Variants in ACVR1C observed in about 807,000 individuals in gnomAD.
ACVR1C encodes activin A receptor type 1C.
Under a neutral mutation model 57.9 loss-of-function variants are expected in ACVR1C, and 23 were observed. The ratio of observed to expected loss-of-function variants is 0.40; its 90% CI spans 0.29 to 0.56. The LOEUF is 0.56. Ranked by LOEUF, ACVR1C falls within the 20% of genes least tolerant of loss-of-function variation. The pLI, the probability that ACVR1C is intolerant of heterozygous loss-of-function variation, is 0.50. For missense variants in ACVR1C, 480 were observed against 607.9 expected (o/e 0.79, Z 2.21); for synonymous variants, 214 against 215.3 (o/e 0.99, Z 0.05).
At chr2:157,598,065 A>T (rs1322373425) in intron 1 of ACVR1C, among the ~76,000 whole-genome samples, 1 of 152,198 alleles carries the variant, frequency 6.6e-6, no homozygotes, top group African/African-American at 2.4e-5. Flanking sequence ...TGTTATATTT[A>T]TGCTCACATA....
chr2:157,588,708 C>T (rs11687846), intron 1 of ACVR1C, among the ~76,000 whole-genome samples: 48,379 of 148,694 alleles, frequency 0.33, 8,349 homozygotes, highest in African/African-American at 0.41. Context: ...TTTCTGTTTT[C>T]GAGTTACTTC....
chr2:157,565,963 T>C (rs535151453), intron 2 of ACVR1C, among the ~76,000 whole-genome samples: 1 of 152,192 alleles, frequency 6.6e-6, no homozygotes, highest in Admixed American at 6.5e-5. Flanking sequence ...ATAAAAAGTA[T>C]AAAGAACTTT....
At chr2:157,538,326 A>G (rs2105203057) in intron 8 of ACVR1C, among the ~76,000 whole-genome samples, 1 of 152,310 alleles carries the variant, frequency 6.6e-6, no homozygotes, top group East Asian at 1.9e-4. Context: ...CCTGCAGAGC[A>G]GTTTGTGTAA....
At chr2:157,565,380 T>TA (rs1688344344) in intron 2 of ACVR1C, among the ~76,000 whole-genome samples, 1 of 152,146 alleles carries the variant, frequency 6.6e-6, no homozygotes, top group African/African-American at 2.4e-5. Context: ...TCCCTTCCCT[T>TA]ACAATGGTCA....
intron 2 of ACVR1C, among the ~76,000 whole-genome samples, chr2:157,574,703 T>A (rs1452508713): frequency 6.6e-6 from 1 of 152,184 alleles, no homozygotes; most frequent in Non-Finnish European, 1.5e-5. Flanking sequence ...TAGAATTGGG[T>A]TTAACTACAA....
chr2:157,582,984 C>T (rs1688825893), intron 2 of ACVR1C, among the ~76,000 whole-genome samples: 1 of 152,158 alleles, frequency 6.6e-6, no homozygotes, highest in South Asian at 2.1e-4. Context: ...TGGGTTCCAG[C>T]AATTCTCCCG....
At chr2:157,628,423 C>T in intron 1 of ACVR1C, 149 bp downstream of exon 1, 1 of 928,264 alleles carries the variant, frequency 1.1e-6, no homozygotes, top group Non-Finnish European at 1.7e-6. Flanking sequence ...CACCCTATCC[C>T]GCGCCCCCTC....
intron 1 of ACVR1C, among the ~76,000 whole-genome samples, chr2:157,592,046 T>C (rs1281073939): frequency 6.6e-6 from 1 of 152,118 alleles, no homozygotes; most frequent in Non-Finnish European, 1.5e-5. Flanking sequence ...TAATTAACAA[T>C]TGAAAACTAG....
rs574796296 is a variant in ACVR1C, at chr2:157,617,948, T to A, written c.73+10624A>T. 2.6e-5 allele frequency among the ~76,000 whole-genome samples: 4 copies of A among 151,900 alleles called. No individual in the cohort carries two copies. In the South Asian group the frequency reaches 8.3e-4, roughly 32 times the overall value. On this transcript the variant is annotated intron_variant, in intron 1 of 8. Coordinates refer to ENST00000243349, the MANE Select transcript of ACVR1C (RefSeq NM_145259.3). ...AAATCAAACTTTCCCTAAACAAAAA[T>A]TAATTAGAATGTGTTGCTATCAGAA...
At chr2:157,602,960 A>G (rs1009997040) in intron 1 of ACVR1C, among the ~76,000 whole-genome samples, 5 of 152,308 alleles carry the variant, frequency 3.3e-5, no homozygotes, top group Admixed American at 3.3e-4. Context: ...GTTCACAGGG[A>G]GTAGCTAAAC....
At chr2:157,572,516 C>T (rs944341814) in intron 2 of ACVR1C, among the ~76,000 whole-genome samples, 1 of 152,020 alleles carries the variant, frequency 6.6e-6, no homozygotes, top group African/African-American at 2.4e-5. Flanking sequence ...ACATATAGCT[C>T]AATGTCCTAT....
chr2:157,622,469 A>G (rs1164877093), intron 1 of ACVR1C, among the ~76,000 whole-genome samples: 1 of 152,196 alleles, frequency 6.6e-6, no homozygotes, highest in Non-Finnish European at 1.5e-5. Context: ...CCACACACCT[A>G]CAGTGAACTC....
intron 2 of ACVR1C, among the ~76,000 whole-genome samples, chr2:157,556,820 T>A (rs926812631): frequency 6.6e-6 from 1 of 151,986 alleles, no homozygotes; most frequent in Non-Finnish European, 1.5e-5. Context: ...CCCACCACCA[T>A]GCCCAGCTAA....
At chr2:157,534,078 C>A in intron 8 of ACVR1C, 35 bp from the exon 9 acceptor site, 1 of 1,481,790 alleles carries the variant, frequency 6.7e-7, no homozygotes, top group Non-Finnish European at 8.9e-7. Context: ...AAGACTTTAG[C>A]TACTCTACAT....
chr2:157,601,722 G>A (rs1005871055), intron 1 of ACVR1C, among the ~76,000 whole-genome samples: 5 of 152,164 alleles, frequency 3.3e-5, no homozygotes, highest in African/African-American at 7.2e-5. Context: ...TGGAAGATGC[G>A]TATCTGTAGT....
At chr2:157,563,248 C>T (rs1305395118) in intron 2 of ACVR1C, among the ~76,000 whole-genome samples, 1 of 152,150 alleles carries the variant, frequency 6.6e-6, no homozygotes, top group Non-Finnish European at 1.5e-5. Context: ...ACTCTTTAAG[C>T]TAATAAACAA....
intron 7 of ACVR1C, among the ~76,000 whole-genome samples, chr2:157,540,587 C>T (rs1042568956): frequency 3.9e-5 from 6 of 152,108 alleles, no homozygotes; most frequent in South Asian, 4.1e-4. Context: ...TGAGTCACCA[C>T]GCCCAGGTGC....
At chr2:157,591,831 AT>A (rs1317457715) in intron 1 of ACVR1C, among the ~76,000 whole-genome samples, 1 of 152,026 alleles carries the variant, frequency 6.6e-6, no homozygotes, top group Non-Finnish European at 1.5e-5. Context: ...AGTTGTCACT[AT>A]CTCCATTTCA....
intron 4 of ACVR1C, among the ~76,000 whole-genome samples, chr2:157,546,357 GC>G (rs1687755686): frequency 6.6e-6 from 1 of 152,170 alleles, no homozygotes; most frequent in African/African-American, 2.4e-5. Context: ...TTTCTGCTTA[GC>G]AAATCAGAAA....
Sources: gnomAD v4.1 joint callset for allele counts (sites outside exome capture counted in the v4.1 genomes callset) on GRCh38, gnomAD v4.1.1 for gene constraint, MANE v1.5 for transcripts, NCBI Gene and HGNC (gene_info 2026-07-23, HGNC 2026-07-21) for gene names.